NPR3: variants seen among roughly 807,000 people sequenced by gnomAD.
NPR3 encodes natriuretic peptide receptor 3, also known as atrial natriuretic peptide receptor 3.
In NPR3, 34 loss-of-function variants were observed where a neutral mutation model predicts 54.5. The observed-to-expected ratio is 0.62, with a 90% CI of 0.47 to 0.83. The LOEUF is 0.83. NPR3 is among the 40% of genes least tolerant of loss of function. The pLI is 0.00. For missense variants in NPR3, 674 were observed against 720.8 expected (o/e 0.94, Z 0.74); for synonymous variants, 289 against 297.1 (o/e 0.97, Z 0.28).
At chr5:32,705,558 GA>G (rs1370377387), upstream of NPR3, among the ~76,000 whole-genome samples, 6 of 152,250 alleles carry the variant, frequency 3.9e-5, no homozygotes, top group East Asian at 1.2e-3. Context: ...GAGGAAGAGG[GA>G]TGGGGAGGGG....
chr5:32,698,399 G>T (rs765972846), intron 1 of NPR3, among the ~76,000 whole-genome samples: 1 of 151,326 alleles, frequency 6.6e-6, no homozygotes, highest in Admixed American at 6.6e-5. Flanking sequence ...GACTTGTTTC[G>T]TGGCTTAACA....
intron 1 of NPR3, chr5:32,713,436 G>A (rs1325015779): frequency 3.1e-5 from 31 of 985,352 alleles, no homozygotes; most frequent in Non-Finnish European, 3.6e-5. Context: ...CCATTTTACG[G>A]TAGGGTAGAA....
At chr5:32,702,837 A>T (rs1330813353) in intron 1 of NPR3, among the ~76,000 whole-genome samples, 1 of 152,154 alleles carries the variant, frequency 6.6e-6, no homozygotes, top group African/African-American at 2.4e-5. Context: ...GAATCGCCAC[A>T]CTGACTTCCA....
chr5:32,747,265 TTAGC>T (rs751519682), intron 3 of NPR3, among the ~76,000 whole-genome samples: 92 of 152,320 alleles, frequency 6.0e-4, no homozygotes, highest in Middle Eastern at 6.8e-3. Context: ...GGAAAAAGAT[TTAGC>T]TAGCTCTTTT....
chr5:32,773,826 C>T (rs1445079269), intron 3 of NPR3, among the ~76,000 whole-genome samples: 4 of 152,166 alleles, frequency 2.6e-5, no homozygotes, highest in African/African-American at 9.7e-5. Flanking sequence ...CATGATAATA[C>T]CAAACATTTT....
chr5:32,694,968 C>T (rs1356518309), intron 1 of NPR3, among the ~76,000 whole-genome samples: 3 of 152,046 alleles, frequency 2.0e-5, no homozygotes, highest in African/African-American at 2.4e-5. Flanking sequence ...TTTGTCTTTC[C>T]GTGCCTGGCT....
At chr5:32,694,791 C>T (rs1295094734) in intron 1 of NPR3, among the ~76,000 whole-genome samples, 1 of 152,094 alleles carries the variant, frequency 6.6e-6, no homozygotes, top group Non-Finnish European at 1.5e-5. Flanking sequence ...AATACTAGAT[C>T]TTATTCATTT....
chr5:32,717,665 G>A (rs1738628085), intron 1 of NPR3, among the ~76,000 whole-genome samples: 1 of 152,168 alleles, frequency 6.6e-6, no homozygotes, highest in Non-Finnish European at 1.5e-5. Context: ...TTTGAGAAGT[G>A]TCTGTTCATA....
intron 1 of NPR3, among the ~76,000 whole-genome samples, chr5:32,703,247 A>G (rs1483687446): frequency 1.3e-5 from 2 of 152,036 alleles, no homozygotes; most frequent in Non-Finnish European, 2.9e-5. Flanking sequence ...CCCAGGGAGT[A>G]TCCATAAATG....
At chr5:32,775,367 T>C (rs1441641764) in intron 4 of NPR3, among the ~76,000 whole-genome samples, 1 of 151,520 alleles carries the variant, frequency 6.6e-6, no homozygotes, top group Non-Finnish European at 1.5e-5. Flanking sequence ...CGATCTCGGC[T>C]CACTGCAACT....
intron 2 of NPR3, among the ~76,000 whole-genome samples, chr5:32,728,173 A>C (rs1170261471): frequency 6.6e-6 from 1 of 152,174 alleles, no homozygotes; most frequent in Non-Finnish European, 1.5e-5. Context: ...ATTCAAGAGC[A>C]GTTTTTAGCT....
chr5:32,727,508 T>C (rs190454019), intron 2 of NPR3, among the ~76,000 whole-genome samples: 63 of 152,366 alleles, frequency 4.1e-4, no homozygotes, highest in African/African-American at 1.5e-3. Flanking sequence ...TGTAGCCTTG[T>C]CAAGCCTGTA....
chr5:32,691,363 A>C (rs1561063402), intron 1 of NPR3, among the ~76,000 whole-genome samples: 1 of 152,210 alleles, frequency 6.6e-6, no homozygotes, highest in South Asian at 2.1e-4. Flanking sequence ...TACTTAGGGA[A>C]ATCAATTATT....
chr5:32,718,961 C>T (rs530018796), intron 1 of NPR3, among the ~76,000 whole-genome samples: 2 of 152,230 alleles, frequency 1.3e-5, no homozygotes, highest in African/African-American at 4.8e-5. Flanking sequence ...CCAGTTTTTG[C>T]CCATTCAGTA....
At chr5:32,762,341 T>C (rs561359119) in intron 3 of NPR3, among the ~76,000 whole-genome samples, 189 of 151,956 alleles carry the variant, frequency 1.2e-3, no homozygotes, top group Non-Finnish European at 1.8e-3. Context: ...ATGGTATTTC[T>C]GGTTCTAGAT....
chr5:32,735,544 C>CT (rs1236253370), intron 2 of NPR3, among the ~76,000 whole-genome samples: 1 of 150,312 alleles, frequency 6.7e-6, no homozygotes, highest in Non-Finnish European at 1.5e-5. Flanking sequence ...CCATTTTTAG[C>CT]TTTTTTGGTG....
At position 32,789,447 on chromosome 5, in the gene NPR3, A is replaced by G. The variant is rs763552397; in HGVS notation, c.*3102A>G. 1.9e-6 allele frequency: 1 copy of G among 532,400 alleles called. No homozygotes were observed. The highest frequency in any genetic ancestry group is 3.9e-6 in the Non-Finnish European group (1 of 259,414). 33.0% of individuals were successfully genotyped at this position (532,400 alleles called of 1,614,324 possible). ...ATCACATTTCTCTGAAGAACCATCA[A>G]CTTGTCTTTTCTTGAACCACAGGAA... On this transcript the variant is annotated 3_prime_UTR_variant, in exon 8 of 8. Transcript: ENST00000265074.
At chr5:32,764,929 C>A (rs1447867384) in intron 3 of NPR3, among the ~76,000 whole-genome samples, 2 of 151,576 alleles carry the variant, frequency 1.3e-5, no homozygotes, top group African/African-American at 4.9e-5. Flanking sequence ...CTAATCACAC[C>A]AAAAAGTTGC....
Position 32,784,806 on chromosome 5 carries a change from A to G in NPR3, c.1437A>G (p.Leu479=), listed in dbSNP as rs779254409. ...NSSPCKSSGG[L]EESAVTGIVV... is the part of the protein sequence containing the mutation. ...TGCTTCTTTTTCAAGCAGGTGGCCT[A>G]GAAGAATCGGCAGTGACAGGAATTG... Residue 479 remains leucine (L), a synonymous_variant, in exon 7 of 8, where the codon CTA becomes CTG. Coordinates refer to ENST00000265074, the MANE Select transcript of NPR3 (RefSeq NM_001204375.2). 14 of 1,613,478 alleles carry G rather than the reference A, an allele frequency of 8.7e-6. No individual in the cohort carries two copies. The highest frequency in any genetic ancestry group is 1.1e-5 in the Non-Finnish European group (13 of 1,179,586).
Sources: allele counts gnomAD v4.1 joint callset (sites outside exome capture counted in the v4.1 genomes callset), GRCh38; gene constraint gnomAD v4.1.1; transcripts MANE v1.5; gene names NCBI Gene and HGNC (gene_info 2026-07-23, HGNC 2026-07-21).